DLGAP2: variants seen among roughly 807,000 people sequenced by gnomAD.
DLGAP2 encodes the protein disks large-associated protein 2.
DLGAP2 carries 26 observed loss-of-function variants against 100.3 expected under a neutral mutation model. The observed-to-expected ratio is 0.26, with a 90% CI of 0.19 to 0.36. DLGAP2 has a LOEUF of 0.36. DLGAP2 is among the 10% of genes least tolerant of loss of function. The probability of loss-of-function intolerance (pLI) is 1.00; values close to 1 mark genes in which losing one functional copy is unlikely to be tolerated. For synonymous variants in DLGAP2, 886 were observed against 630.1 expected, an observed-to-expected ratio of 1.41 and a Z score of -6.08; for missense variants, 1,858 against 1,453.2, an observed-to-expected ratio of 1.28 and a Z score of -4.53.
At chr8:1,243,698 G>A (rs376351040) in intron 2 of DLGAP2, among the ~76,000 whole-genome samples, 451 of 152,206 alleles carry the variant, frequency 3.0e-3, no homozygotes, top group Non-Finnish European at 4.5e-3. Context: ...TGCCCATGCC[G>A]CTGCCTCAGT....
chr8:896,522 A>C (rs149498953), intron 1 of DLGAP2, among the ~76,000 whole-genome samples: 2 of 152,100 alleles, frequency 1.3e-5, no homozygotes, highest in African/African-American at 4.8e-5. Flanking sequence ...TGTCCCCCCA[A>C]ATTCCTATGT....
At chr8:1,095,772 A>G (rs916102280) in intron 2 of DLGAP2, among the ~76,000 whole-genome samples, 3 of 152,148 alleles carry the variant, frequency 2.0e-5, no homozygotes, top group Non-Finnish European at 1.5e-5. Context: ...TAACATAAAA[A>G]CCTTCTAATT....
At chr8:1,667,847 G>T (rs768072407) in intron 8 of DLGAP2, among the ~76,000 whole-genome samples, 26 of 152,216 alleles carry the variant, frequency 1.7e-4, no homozygotes, top group Non-Finnish European at 3.2e-4. Flanking sequence ...GACACACCTT[G>T]CCTAGCTGTG....
intron 3 of DLGAP2, among the ~76,000 whole-genome samples, chr8:1,446,633 T>G (rs924811483): frequency 2.0e-5 from 3 of 152,200 alleles, no homozygotes; most frequent in Non-Finnish European, 2.9e-5. Flanking sequence ...GTGAAGAAAG[T>G]CATTGGTAGC....
chr8:872,455 T>A (rs919266345), intron 1 of DLGAP2, among the ~76,000 whole-genome samples: 11 of 150,206 alleles, frequency 7.3e-5, no homozygotes, highest in African/African-American at 2.7e-4. Flanking sequence ...TGCCTCAGCC[T>A]CCTCAGTAGC....
At chr8:1,350,071 C>G (rs916075410) in intron 3 of DLGAP2, among the ~76,000 whole-genome samples, 1 of 152,182 alleles carries the variant, frequency 6.6e-6, no homozygotes, top group East Asian at 1.9e-4. Context: ...GATATTAAAC[C>G]ATTTATAAGG....
intron 2 of DLGAP2, among the ~76,000 whole-genome samples, chr8:1,108,798 G>A (rs1420217729): frequency 1.5e-5 from 2 of 136,278 alleles, no homozygotes; most frequent in Non-Finnish European, 1.6e-5. Context: ...GGGTCTGTGA[G>A]GTGTGAATGT....
chr8:1,021,263 A>G (rs866629468), intron 2 of DLGAP2, among the ~76,000 whole-genome samples: 3 of 152,186 alleles, frequency 2.0e-5, no homozygotes, highest in Non-Finnish European at 4.4e-5. Context: ...TGATTTTTCC[A>G]GGTGTACAGA....
In DLGAP2 at chr8:1,548,759, G is replaced by T; in HGVS notation, c.306G>T (p.Ala102=). 2 of 1,601,006 alleles carry T rather than the reference G, an allele frequency of 1.2e-6. No homozygotes were observed. The highest frequency in any genetic ancestry group is 2.3e-5 in the East Asian group (1 of 44,416). ...GTTCCGGGCACACGTGTGGTCTGGC[G>T]CCCCCGGAGGACTGCGAGCACCTGC... ...PLCSGHTCGL[A]PPEDCEHLHH... Residue 102 remains alanine (A), a synonymous_variant, in exon 5 of 15, where the codon GCG becomes GCT. Coordinates refer to ENST00000637795, the MANE Select transcript of DLGAP2 (RefSeq NM_001346810.2).
intron 2 of DLGAP2, among the ~76,000 whole-genome samples, chr8:1,234,183 G>A (rs548411029): frequency 6.6e-6 from 1 of 152,368 alleles, no homozygotes; most frequent in South Asian, 2.1e-4. Flanking sequence ...CTGTGCGGCT[G>A]TTGTCGTAGG....
chr8:1,330,159 C>G (rs1208269043), intron 3 of DLGAP2, among the ~76,000 whole-genome samples: 1 of 152,058 alleles, frequency 6.6e-6, no homozygotes, highest in South Asian at 2.1e-4. Flanking sequence ...TGGCAGGAGC[C>G]AACAGGTGCT....
At chr8:1,206,721 CTT>C (rs756386967) in intron 2 of DLGAP2, among the ~76,000 whole-genome samples, 80,830 of 151,876 alleles carry the variant, frequency 0.53, 24,277 homozygotes, top group African/African-American at 0.8. Context: ...TGGCACAGTC[CTT>C]AGCTGCGTCC....
intron 2 of DLGAP2, among the ~76,000 whole-genome samples, chr8:1,257,679 C>G (rs1299828714): frequency 6.6e-6 from 1 of 151,514 alleles, no homozygotes; most frequent in African/African-American, 2.4e-5. Context: ...TTTCTGAGGG[C>G]CCGTGCAGGC....
intron 1 of DLGAP2, among the ~76,000 whole-genome samples, chr8:767,962 A>C (rs1821257278): frequency 6.6e-6 from 1 of 152,200 alleles, no homozygotes; most frequent in South Asian, 2.1e-4. Context: ...TGTAAGAAGT[A>C]ACCAAAGACA....
At chr8:1,094,691 C>T (rs1477351304) in intron 2 of DLGAP2, among the ~76,000 whole-genome samples, 7 of 152,196 alleles carry the variant, frequency 4.6e-5, no homozygotes, top group African/African-American at 9.7e-5. Context: ...CTTTATTGAC[C>T]GTGCAGCGGG....
chr8:1,633,179 G>T, intron 8 of DLGAP2, 133 bp downstream of exon 8: 1 of 816,956 alleles, frequency 1.2e-6, no homozygotes, highest in Non-Finnish European at 1.9e-6. Context: ...TTTCCTAATT[G>T]CATGTGTTAC....
chr8:1,464,285 ACGCCCTTCCAGGATGG>A (rs1798551432), intron 3 of DLGAP2, among the ~76,000 whole-genome samples: 1 of 30,468 alleles, frequency 3.3e-5, no homozygotes, highest in African/African-American at 1.8e-4. Context: ...TTCCAGGACA[ACGCCCTTCCAGGATGG>A]CACCCTTCCA....
intron 2 of DLGAP2, among the ~76,000 whole-genome samples, chr8:1,074,978 G>A (rs1476285351): frequency 1.3e-5 from 2 of 149,920 alleles, no homozygotes; most frequent in African/African-American, 2.5e-5. Flanking sequence ...GCAGGGAGTG[G>A]TGACCATGTC....
intron 1 of DLGAP2, among the ~76,000 whole-genome samples, chr8:799,998 T>A (rs12675507): frequency 6.6e-6 from 1 of 152,110 alleles, no homozygotes; most frequent in Non-Finnish European, 1.5e-5. Context: ...GCCGCAGTGA[T>A]GGCCAGACAG....
Sources: gnomAD v4.1 joint callset for allele counts (sites outside exome capture counted in the v4.1 genomes callset) on GRCh38, gnomAD v4.1.1 for gene constraint, MANE v1.5 for transcripts, NCBI Gene and HGNC (gene_info 2026-07-23, HGNC 2026-07-21) for gene names.